The following FBXL17 variants were observed in gnomAD, a reference collection of about 807,000 sequenced individuals.
FBXL17 encodes F-box/LRR-repeat protein 17.
In FBXL17, 22 loss-of-function variants were observed where a neutral mutation model predicts 66.2. The ratio of observed to expected loss-of-function variants is 0.33; its 90% CI spans 0.24 to 0.47. The LOEUF is 0.47. FBXL17 is among the 20% of genes least tolerant of loss of function. FBXL17 has a pLI of 1.00. For synonymous variants in FBXL17, 474 were observed against 400.5 expected, an observed-to-expected ratio of 1.18 and a Z score of -2.19; for missense variants, 878 against 948.2, an observed-to-expected ratio of 0.93 and a Z score of 0.97.
At chr5:107,886,833 A>C (rs1431577984) in intron 7 of FBXL17, among the ~76,000 whole-genome samples, 3 of 152,138 alleles carry the variant, frequency 2.0e-5, no homozygotes, top group Non-Finnish European at 2.9e-5. Context: ...ACTTAGAAGA[A>C]AACATCACAC....
At chr5:108,294,609 A>C (rs909896425) in intron 4 of FBXL17, among the ~76,000 whole-genome samples, 1 of 152,082 alleles carries the variant, frequency 6.6e-6, no homozygotes, top group Non-Finnish European at 1.5e-5. Flanking sequence ...TGAAGAAATC[A>C]AATTTAACTC....
chr5:108,040,166 A>G (rs1020324769), intron 6 of FBXL17, among the ~76,000 whole-genome samples: 6 of 152,088 alleles, frequency 3.9e-5, no homozygotes, highest in Non-Finnish European at 5.9e-5. Context: ...GTCACCCTAA[A>G]CATAGTCACT....
At chr5:107,999,391 C>T (rs531289616) in intron 7 of FBXL17, among the ~76,000 whole-genome samples, 2 of 151,486 alleles carry the variant, frequency 1.3e-5, no homozygotes, top group Non-Finnish European at 2.9e-5. Context: ...ATATCACTGC[C>T]GTTCTACAAA....
intron 6 of FBXL17, among the ~76,000 whole-genome samples, chr5:108,026,596 T>C (rs1485127783): frequency 6.6e-6 from 1 of 152,222 alleles, no homozygotes; most frequent in Non-Finnish European, 1.5e-5. Context: ...ACGTTCTTAA[T>C]ATACCACAGG....
intron 8 of FBXL17, among the ~76,000 whole-genome samples, chr5:107,874,737 T>A (rs1748563428): frequency 6.6e-6 from 1 of 152,200 alleles, no homozygotes; most frequent in Non-Finnish European, 1.5e-5. Flanking sequence ...TGGGAACACT[T>A]AACTAAAATG....
Position 108,055,965 on chromosome 5 carries a change from G to A in FBXL17, c.1746-34964C>T, listed in dbSNP as rs145599063. Among the ~76,000 whole-genome samples, 318 of 152,256 alleles carry A rather than the reference G, an allele frequency of 2.1e-3. 2 individuals carry two copies. The highest frequency in any genetic ancestry group is 7.1e-3 in the African/African-American group (295 of 41,552). ...ATGATCAAGGTTATAGAGAGACTAA[G>A]ACCTACATGGAATCACATACCTTCC... On this transcript the variant is annotated intron_variant, in intron 6 of 8. Coordinates refer to ENST00000542267, the MANE Select transcript of FBXL17 (RefSeq NM_001163315.3).
chr5:108,071,261 A>G (rs933731660), intron 6 of FBXL17, among the ~76,000 whole-genome samples: 1 of 152,214 alleles, frequency 6.6e-6, no homozygotes, highest in African/African-American at 2.4e-5. Context: ...GTGAGTACTA[A>G]GATTTTCATG....
chr5:108,300,683 T>C (rs553667993), intron 4 of FBXL17, among the ~76,000 whole-genome samples: 7 of 151,774 alleles, frequency 4.6e-5, no homozygotes, highest in Admixed American at 2.6e-4. Flanking sequence ...TTCATTAGTA[T>C]GAAATAACTC....
chr5:108,328,716 G>A (rs566845581), intron 4 of FBXL17, among the ~76,000 whole-genome samples: 1 of 151,838 alleles, frequency 6.6e-6, no homozygotes, highest in South Asian at 2.1e-4. Flanking sequence ...TTTTTTATGA[G>A]AACAAGGATT....
At chr5:108,185,824 T>A (rs1753206500) in intron 6 of FBXL17, among the ~76,000 whole-genome samples, 1 of 152,162 alleles carries the variant, frequency 6.6e-6, no homozygotes, top group Non-Finnish European at 1.5e-5. Context: ...CTTACAAGCA[T>A]GGCAAAAAGC....
At chr5:107,903,520 T>A (rs559210437) in intron 7 of FBXL17, among the ~76,000 whole-genome samples, 2 of 152,196 alleles carry the variant, frequency 1.3e-5, no homozygotes, top group South Asian at 2.1e-4. Flanking sequence ...ACAGAAGAGG[T>A]AACTAAGTAA....
chr5:108,207,855 G>T (rs1489815032), intron 5 of FBXL17, among the ~76,000 whole-genome samples: 1 of 152,130 alleles, frequency 6.6e-6, no homozygotes, highest in Admixed American at 6.5e-5. Flanking sequence ...GGATTGCTGG[G>T]TCAAATGGTA....
At chr5:108,037,857 G>A (rs1035194927) in intron 6 of FBXL17, among the ~76,000 whole-genome samples, 1 of 152,022 alleles carries the variant, frequency 6.6e-6, no homozygotes. Flanking sequence ...TATGTGCCTC[G>A]TGATTTCATA....
At chr5:108,070,291 G>T (rs1398079209) in intron 6 of FBXL17, among the ~76,000 whole-genome samples, 1 of 152,118 alleles carries the variant, frequency 6.6e-6, no homozygotes, top group Admixed American at 6.5e-5. Flanking sequence ...ACAAAGTGTG[G>T]TAGTCTTTAA....
intron 4 of FBXL17, among the ~76,000 whole-genome samples, chr5:108,308,976 T>C (rs1758985975): frequency 6.6e-6 from 1 of 152,006 alleles, no homozygotes; most frequent in African/African-American, 2.4e-5. Context: ...AATTTCACTT[T>C]CAGAATATGT....
chr5:107,930,038 G>C (rs1750679055), intron 7 of FBXL17, among the ~76,000 whole-genome samples: 1 of 152,088 alleles, frequency 6.6e-6, no homozygotes, highest in African/African-American at 2.4e-5. Context: ...TCAGGCCATA[G>C]CAACAGTCCC....
Position 108,381,138 on chromosome 5 carries a change from G to A in FBXL17, c.554C>T (p.Ser185Leu). ...GGGGGGCGTAGGGAGCTCGGCCGGT[G>A]ACGGTGTCGGCCCCCGGAAGAGCTG... ...AVQLFRGPTP[S>L]PAELPTPPEM... Residue 185 changes from serine to leucine, a missense_variant, in exon 1 of 9, where the codon TCA (serine) becomes TTA (leucine). Ser to Leu is a moderately radical substitution (Grantham distance 145). Coordinates refer to ENST00000542267, the MANE Select transcript of FBXL17 (RefSeq NM_001163315.3). The A allele has an allele frequency of 1.4e-6, 2 of 1,383,488 alleles. No homozygotes were observed. The highest frequency in any genetic ancestry group is 1.5e-5 in the African/African-American group (1 of 66,384). 85.7% of individuals were successfully genotyped at this position (1,383,488 alleles called of 1,614,324 possible). A position where few individuals can be genotyped will look rare whatever the true frequency, so the allele number is the denominator to read the frequency against.
chr5:108,373,357 TATATATTAATATAAATATATATCTAA>T (rs1468073813), intron 1 of FBXL17, among the ~76,000 whole-genome samples: 28 of 56,216 alleles, frequency 5.0e-4, no homozygotes, highest in Admixed American at 3.2e-3. Context: ...TATATCTAAA[TATATATTAATATAAATATATATCTAA>T]ATATATTAAT....
chr5:108,265,677 G>C (rs1003070499), intron 4 of FBXL17, among the ~76,000 whole-genome samples: 5 of 151,952 alleles, frequency 3.3e-5, no homozygotes, highest in African/African-American at 1.2e-4. Context: ...AAAATCTCTG[G>C]AAAACAATAT....
Sources: allele counts gnomAD v4.1 joint callset (sites outside exome capture counted in the v4.1 genomes callset), GRCh38; gene constraint gnomAD v4.1.1; transcripts MANE v1.5; gene names NCBI Gene and HGNC (gene_info 2026-07-23, HGNC 2026-07-21).